MFSD1: variants seen among roughly 807,000 people sequenced by gnomAD.
The protein encoded by MFSD1 is major facilitator superfamily domain containing 1, also known as lysosomal dipeptide transporter MFSD1.
In MFSD1, 59 loss-of-function variants were observed where a neutral mutation model predicts 67.1. That is an observed-to-expected ratio of 0.88 (90% CI 0.71 to 1.09). The LOEUF (loss-of-function observed/expected upper bound fraction) is 1.09, where lower values mean the gene tolerates loss of function less well. Ranked by LOEUF, MFSD1 falls within the 50% of genes least tolerant of loss-of-function variation. The pLI is 0.00. For synonymous variants in MFSD1, 213 were observed against 200.3 expected (o/e 1.06, Z -0.54); for missense variants, 552 against 566.1 (o/e 0.97, Z 0.25).
chr3:158,823,260 C>T (rs1730767935), intron 11 of MFSD1, 168 bp from the exon 12 acceptor site: 1 of 608,574 alleles, frequency 1.6e-6, no homozygotes, highest in Non-Finnish European at 3.0e-6. Flanking sequence ...ACTCTTAGGG[C>T]AGAGACTTGT....
In MFSD1 at chr3:158,807,455, T is replaced by G. The variant is rs996327793; in HGVS notation, c.432T>G (p.Phe144Leu). The G allele has an allele frequency of 2.5e-6, 4 of 1,610,622 alleles. No homozygotes were observed. The highest frequency in any genetic ancestry group is 3.4e-6 in the Non-Finnish European group (4 of 1,177,142). ...TTTGGCTGATGGAATTTGGAAGATT[T>G]GTATTTGGGTAAGTTATGCATAATT... Reference protein sequence around the residue: ...NAFWLMEFGRFVFGIGGESLA... With the variant: ...NAFWLMEFGRLVFGIGGESLA... Residue 144 changes from phenylalanine (F) to leucine (L), a missense_variant, in exon 5 of 16, where the codon TTT becomes TTG. Transcript: ENST00000415822.
intron 5 of MFSD1, among the ~76,000 whole-genome samples, chr3:158,808,084 T>G (rs186647367): frequency 6.6e-6 from 1 of 152,308 alleles, no homozygotes; most frequent in Admixed American, 6.5e-5. Flanking sequence ...ATAGGTGACA[T>G]ACCCCAAAAA....
At chr3:158,828,595 T>C (rs1394516668) in intron 15 of MFSD1, among the ~76,000 whole-genome samples, 4 of 152,140 alleles carry the variant, frequency 2.6e-5, no homozygotes, top group African/African-American at 9.7e-5. Flanking sequence ...ATGTCATAGA[T>C]GCTTAACATG....
chr3:158,815,095 C>T (rs1006110423), intron 7 of MFSD1, among the ~76,000 whole-genome samples: 1 of 151,916 alleles, frequency 6.6e-6, no homozygotes, highest in Non-Finnish European at 1.5e-5. Context: ...AACAAACAAA[C>T]AAAAAAACAA....
chr3:158,815,828 A>G (rs1478463414), intron 7 of MFSD1, among the ~76,000 whole-genome samples: 1 of 108,492 alleles, frequency 9.2e-6, no homozygotes, highest in African/African-American at 3.6e-5. Context: ...AACAGTCCCC[A>G]GAGTGTGATG....
At chr3:158,806,990 T>A (rs776353366) in intron 3 of MFSD1, 50 bp from the exon 4 acceptor site, 1 of 1,500,130 alleles carries the variant, frequency 6.7e-7, no homozygotes, top group Non-Finnish European at 9.1e-7. Context: ...AAATTAAGAT[T>A]TTTTTTTTCT....
At chr3:158,806,988 A>ATT (rs144690577) in intron 3 of MFSD1, 52 bp from the exon 4 acceptor site, 12 of 1,423,708 alleles carry the variant, frequency 8.4e-6, no homozygotes, top group African/African-American at 4.4e-5. Context: ...AGAAATTAAG[A>ATT]TTTTTTTTTT....
rs3732823 is a variant in MFSD1, at chr3:158,829,317, A to G, written c.*335A>G. The G allele has an allele frequency of 2.2e-5, 4 of 185,032 alleles. No homozygotes were observed. The highest frequency in any genetic ancestry group is 3.3e-5 in the Non-Finnish European group (3 of 90,208). The allele number at this position is 185,032 out of a possible 1,614,324, so 11.5% of individuals were successfully genotyped here. On this transcript the variant is annotated 3_prime_UTR_variant, in exon 16 of 16. Transcript: ENST00000415822. Reference sequence around the variant, plus strand: ...TTGAGATAATCTTCATTAGGTATATATCTTAGGGATACAGCCTTTTCTTTA... The same window carrying G: ...TTGAGATAATCTTCATTAGGTATATGTCTTAGGGATACAGCCTTTTCTTTA...
chr3:158,820,466 G>T (rs1559922320), intron 9 of MFSD1, 140 bp downstream of exon 9: 8 of 601,896 alleles, frequency 1.3e-5, no homozygotes, highest in Non-Finnish European at 1.8e-5. Flanking sequence ...TAGATCCTGG[G>T]ATATACATTT....
intron 14 of MFSD1, among the ~76,000 whole-genome samples, chr3:158,826,756 C>T (rs938816257): frequency 2.6e-5 from 4 of 151,746 alleles, no homozygotes; most frequent in Non-Finnish European, 5.9e-5. Context: ...CAGCCTCAAC[C>T]TCCCAGGATC....
intron 7 of MFSD1, among the ~76,000 whole-genome samples, chr3:158,815,841 C>T (rs1358320661): frequency 1.4e-5 from 2 of 138,648 alleles, no homozygotes; most frequent in Non-Finnish European, 1.5e-5. Context: ...GTGTGATGTT[C>T]CCCTTCCTGT....
intron 6 of MFSD1, among the ~76,000 whole-genome samples, chr3:158,810,285 C>T (rs993649117): frequency 1.3e-5 from 2 of 152,040 alleles, no homozygotes; most frequent in African/African-American, 4.8e-5. Context: ...TTTTTTCTCT[C>T]AAGAATTCCC....
intron 11 of MFSD1, 27 bp downstream of exon 11, chr3:158,822,167 G>T (rs1188088669): frequency 6.3e-7 from 1 of 1,580,356 alleles, no homozygotes; most frequent in Non-Finnish European, 8.7e-7. Context: ...CCCATGGTGG[G>T]GTCAGGGCTT....
intron 4 of MFSD1, 146 bp from the exon 5 acceptor site, chr3:158,807,250 G>A: frequency 1.1e-6 from 1 of 918,316 alleles, no homozygotes; most frequent in Non-Finnish European, 1.7e-6. Context: ...TGAAATAAAT[G>A]AACATTAATA....
intron 14 of MFSD1, among the ~76,000 whole-genome samples, chr3:158,826,391 A>G (rs565151099): frequency 4.6e-5 from 7 of 152,224 alleles, no homozygotes; most frequent in African/African-American, 1.7e-4. Flanking sequence ...GTTAAAAGAA[A>G]TCAGAACTAA....
intron 15 of MFSD1, among the ~76,000 whole-genome samples, chr3:158,827,976 G>GAGACAGACAGAC (rs1553759913): frequency 3.8e-5 from 3 of 78,892 alleles, no homozygotes; most frequent in Non-Finnish European, 7.6e-5. Context: ...GAGAGAGAGA[G>GAGACAGACAGAC]AGACAGAGAT....
chr3:158,818,456 C>T (rs567579702), intron 7 of MFSD1, among the ~76,000 whole-genome samples: 5 of 152,170 alleles, frequency 3.3e-5, no homozygotes, highest in African/African-American at 1.2e-4. Flanking sequence ...GAATTTACTC[C>T]TCCTAATTGT....
chr3:158,807,185 T>A, intron 4 of MFSD1, 103 bp downstream of exon 4: 1 of 1,162,738 alleles, frequency 8.6e-7, no homozygotes, highest in Non-Finnish European at 1.3e-6. Flanking sequence ...CCTAGCTTAA[T>A]TAAGCAGAAC....
At chr3:158,816,396 G>A (rs2108221265) in intron 7 of MFSD1, among the ~76,000 whole-genome samples, 1 of 152,078 alleles carries the variant, frequency 6.6e-6, no homozygotes, top group African/African-American at 2.4e-5. Context: ...GCATTTCTCT[G>A]ATGGCCAGTG....
Sources: gnomAD v4.1 joint callset for allele counts (sites outside exome capture counted in the v4.1 genomes callset) on GRCh38, gnomAD v4.1.1 for gene constraint, MANE v1.5 for transcripts, NCBI Gene and HGNC (gene_info 2026-07-23, HGNC 2026-07-21) for gene names.